The following BACH2 variants were observed in gnomAD, a reference collection of about 807,000 sequenced individuals.
The protein encoded by BACH2 is transcription regulator protein BACH2.
Under a neutral mutation model 61.8 loss-of-function variants are expected in BACH2, and 5 were observed. That is an observed-to-expected ratio of 0.08 (90% CI 0.04 to 0.17). The LOEUF is 0.17. Among genes scored for constraint, BACH2 ranks in the 10% least tolerant of loss-of-function variants. BACH2 has a pLI of 1.00. For missense variants in BACH2, 824 were observed against 1,091.1 expected, an observed-to-expected ratio of 0.76 and a Z score of 3.45; for synonymous variants, 446 against 440.1, an observed-to-expected ratio of 1.01 and a Z score of -0.17.
rs147262288 is a variant in BACH2 at position 90,042,954 on chromosome 6, C to A, written c.-12-34098G>T. ...TGAGGAAGCATAAGAGTGGCAACCA[C>A]GGCCTGATTTGGCATGAATTTCAAA... On this transcript the variant is annotated intron_variant, in intron 5 of 8. Coordinates refer to ENST00000257749, the MANE Select transcript of BACH2 (RefSeq NM_021813.4). Among the ~76,000 whole-genome samples, 9 of 152,250 alleles carry A rather than the reference C, an allele frequency of 5.9e-5. No homozygotes were observed. The East Asian group carries it at 1.7e-3, about 29-fold the overall frequency.
At chr6:90,279,260 T>C (rs984024303) in intron 1 of BACH2, among the ~76,000 whole-genome samples, 1 of 152,000 alleles carries the variant, frequency 6.6e-6, no homozygotes, top group Non-Finnish European at 1.5e-5. Context: ...CGGTGGCTCA[T>C]GCCTGTAATC....
chr6:90,276,459 T>C (rs950463096), intron 1 of BACH2, among the ~76,000 whole-genome samples: 4 of 152,232 alleles, frequency 2.6e-5, no homozygotes, highest in African/African-American at 9.6e-5. Flanking sequence ...AGGTAGACAC[T>C]GAAGTCTTTT....
intron 1 of BACH2, among the ~76,000 whole-genome samples, chr6:90,294,065 T>C (rs944610143): frequency 9.2e-5 from 14 of 152,184 alleles, no homozygotes; most frequent in Admixed American, 5.9e-4. Context: ...GATCCTGACA[T>C]GCAACATACA....
intron 6 of BACH2, among the ~76,000 whole-genome samples, chr6:89,989,764 G>C (rs758616224): frequency 1.3e-5 from 2 of 152,150 alleles, no homozygotes; most frequent in Non-Finnish European, 2.9e-5. Context: ...TGGGGGAGGA[G>C]GAATCTGAAT....
At chr6:90,173,062 A>G (rs2127838003) in intron 4 of BACH2, among the ~76,000 whole-genome samples, 1 of 152,186 alleles carries the variant, frequency 6.6e-6, no homozygotes, top group African/African-American at 2.4e-5. Context: ...CGTGGAAAAA[A>G]GAGAATGGTG....
chr6:89,994,079 A>T (rs1776722474), intron 6 of BACH2, among the ~76,000 whole-genome samples: 1 of 152,244 alleles, frequency 6.6e-6, no homozygotes, highest in African/African-American at 2.4e-5. Context: ...ACCAAAGCAC[A>T]CGCTTACAGA....
At chr6:89,964,424 C>T (rs1338348389) in intron 6 of BACH2, among the ~76,000 whole-genome samples, 1 of 151,960 alleles carries the variant, frequency 6.6e-6, no homozygotes, top group Non-Finnish European at 1.5e-5. Context: ...TACACATAAA[C>T]ATGTATGGTA....
At chr6:90,289,556 G>T (rs1236884366) in intron 1 of BACH2, among the ~76,000 whole-genome samples, 1 of 152,040 alleles carries the variant, frequency 6.6e-6, no homozygotes, top group African/African-American at 2.4e-5. Flanking sequence ...CCAATCTTTT[G>T]GCTTCCCTGG....
intron 5 of BACH2, among the ~76,000 whole-genome samples, chr6:90,028,071 G>A (rs1429846534): frequency 6.6e-6 from 1 of 152,108 alleles, no homozygotes; most frequent in African/African-American, 2.4e-5. Flanking sequence ...TGTGCATTCT[G>A]GTACTTGCTG....
At chr6:90,013,804 G>A (rs759825359) in intron 5 of BACH2, among the ~76,000 whole-genome samples, 9 of 151,694 alleles carry the variant, frequency 5.9e-5, no homozygotes, top group Non-Finnish European at 1.2e-4. Flanking sequence ...CACTGTGCCC[G>A]GCCTCTTTTT....
intron 3 of BACH2, among the ~76,000 whole-genome samples, chr6:90,230,804 C>A (rs1390387343): frequency 6.6e-6 from 1 of 152,070 alleles, no homozygotes. Flanking sequence ...CTAGGGGAAC[C>A]CAGAGTTGAA....
chr6:90,016,945 A>T (rs1778098641), intron 5 of BACH2, among the ~76,000 whole-genome samples: 1 of 151,654 alleles, frequency 6.6e-6, no homozygotes, highest in Non-Finnish European at 1.5e-5. Flanking sequence ...TGTTGCCTTT[A>T]GGACTTTTTC....
chr6:89,986,691 C>T (rs866712391), intron 6 of BACH2, among the ~76,000 whole-genome samples: 1 of 152,170 alleles, frequency 6.6e-6, no homozygotes, highest in Non-Finnish European at 1.5e-5. Flanking sequence ...CCACCTCCAT[C>T]TGAATTGTAT....
At chr6:90,049,484 C>T (rs921689294) in intron 5 of BACH2, among the ~76,000 whole-genome samples, 6 of 152,048 alleles carry the variant, frequency 3.9e-5, no homozygotes, top group Admixed American at 2.6e-4. Flanking sequence ...CTGGGAATCC[C>T]GAGACCCTTT....
At chr6:90,224,104 C>CT (rs1423259116) in intron 3 of BACH2, among the ~76,000 whole-genome samples, 1 of 152,158 alleles carries the variant, frequency 6.6e-6, no homozygotes, top group Non-Finnish European at 1.5e-5. Flanking sequence ...TATAACAGTT[C>CT]TTTAGCATTT....
intron 3 of BACH2, among the ~76,000 whole-genome samples, chr6:90,226,483 TCA>T (rs1769920057): frequency 6.6e-6 from 1 of 152,192 alleles, no homozygotes; most frequent in African/African-American, 2.4e-5. Context: ...CCAGTATGAC[TCA>T]CTGAACATGG....
intron 5 of BACH2, among the ~76,000 whole-genome samples, chr6:90,071,188 A>G (rs1315485409): frequency 1.3e-5 from 2 of 152,150 alleles, no homozygotes; most frequent in Non-Finnish European, 2.9e-5. Context: ...AATACTCCTA[A>G]TGTGATCTAA....
Position 89,926,610 on chromosome 6 carries a change from C to G in BACH2, c.*5798G>C, listed in dbSNP as rs1192020197. On this transcript the variant is annotated 3_prime_UTR_variant, in exon 9 of 9. Coordinates refer to ENST00000257749, the MANE Select transcript of BACH2 (RefSeq NM_021813.4). Reference sequence around the variant, plus strand: ...CAAAATTCAGTTAACACTAGCAATTCAATTGAGTGAAAACTTTTTTTGCAC... The same window carrying G: ...CAAAATTCAGTTAACACTAGCAATTGAATTGAGTGAAAACTTTTTTTGCAC... 1.3e-5 allele frequency: 2 copies of G among 152,718 alleles called. No homozygotes were observed. Among genetic ancestry groups the G allele is most frequent in the Non-Finnish European group, 2.9e-5 (2 of 68,030 alleles). 9.5% of individuals were successfully genotyped at this position (152,718 alleles called of 1,614,324 possible).
rs895318533 is a variant in BACH2 at position 89,926,729 on chromosome 6, G to A, written c.*5679C>T. 1 of 152,452 alleles carries A rather than the reference G, an allele frequency of 6.6e-6. No individual in the cohort carries two copies. The highest frequency in any genetic ancestry group is 2.4e-5 in the African/African-American group (1 of 41,374). The allele number at this position is 152,452 out of a possible 1,614,324, so 9.4% of individuals were successfully genotyped here. A position where few individuals can be genotyped will look rare whatever the true frequency, so the allele number is the denominator to read the frequency against. The stretch of plus-strand genomic sequence containing the variant: ...AAAGGTAAAAATTCTTAGTTACAGA[G>A]AATAAGCATCAACAGCCTTTCATTT... On this transcript the variant is annotated 3_prime_UTR_variant, in exon 9 of 9. Coordinates refer to ENST00000257749, the MANE Select transcript of BACH2 (RefSeq NM_021813.4).
Sources: gnomAD v4.1 joint callset for allele counts (sites outside exome capture counted in the v4.1 genomes callset) on GRCh38, gnomAD v4.1.1 for gene constraint, MANE v1.5 for transcripts, NCBI Gene and HGNC (gene_info 2026-07-23, HGNC 2026-07-21) for gene names.